CCNB3: variants seen among roughly 807,000 people sequenced by gnomAD.
CCNB3 encodes the protein cyclin B3, also known as G2/mitotic-specific cyclin-B3.
A neutral mutation model predicts 68.0 loss-of-function variants in CCNB3; 12 were observed. The observed-to-expected ratio is 0.18, with a 90% CI of 0.11 to 0.29. The LOEUF (loss-of-function observed/expected upper bound fraction) is 0.29, where lower values mean the gene tolerates loss of function less well. CCNB3 is among the 10% of genes least tolerant of loss of function. The pLI is 1.00. For missense variants in CCNB3, 904 were observed against 993.1 expected (o/e 0.91, Z 1.21); for synonymous variants, 354 against 388.9 (o/e 0.91, Z 1.06).
At position 50,216,015 on chromosome X, in the gene CCNB3, C is replaced by T. The variant is rs1462775389; in HGVS notation, c.-113+11065C>T. On this transcript the variant is annotated intron_variant, in intron 1 of 12. Coordinates refer to ENST00000376042, the MANE Select transcript of CCNB3 (RefSeq NM_033031.3). The stretch of plus-strand genomic sequence containing the variant: ...CCAGGCTGGAGTGCAATGGTGCGGT[C>T]TCGGCTCACTGCAACCTCCACCTCC... 3.2e-3 allele frequency among the ~76,000 whole-genome samples: 285 copies of T among 88,921 alleles called. 2 individuals are homozygous for T. The highest frequency in any genetic ancestry group is 0.013 in the African/African-American group (279 of 22,278). The allele number at this position is 88,921 out of a possible 115,157, so 77.2% of individuals were successfully genotyped here. A position where few individuals can be genotyped will look rare whatever the true frequency, so the allele number is the denominator to read the frequency against.
At chrX:50,290,146 C>T (rs1602203653) in intron 4 of CCNB3, among the ~76,000 whole-genome samples, 1 of 111,996 alleles carries the variant, frequency 8.9e-6, no homozygotes, top group Non-Finnish European at 1.9e-5. Context: ...CTTGCCTTGG[C>T]CCCTCCAAGT....
At chrX:50,319,187 C>T (rs1921889039) in intron 8 of CCNB3, among the ~76,000 whole-genome samples, 1 of 110,951 alleles carries the variant, frequency 9.0e-6, no homozygotes, top group Non-Finnish European at 1.9e-5. Flanking sequence ...AATCATTGTG[C>T]TTGAGGTGGT....
intron 5 of CCNB3, among the ~76,000 whole-genome samples, chrX:50,305,330 A>C (rs1457079189): frequency 1.1e-4 from 12 of 112,052 alleles, no homozygotes; most frequent in Non-Finnish European, 2.3e-4. Context: ...CAGCCATAAA[A>C]AATGATGAGT....
chrX:50,320,594 TATA>T (rs1921964146), intron 8 of CCNB3, among the ~76,000 whole-genome samples: 1 of 110,160 alleles, frequency 9.1e-6, no homozygotes. Context: ...CTCTAATTTT[TATA>T]ATTTTATAAT....
intron 5 of CCNB3, among the ~76,000 whole-genome samples, chrX:50,299,920 T>C (rs1936586015): frequency 9.0e-6 from 1 of 111,602 alleles, no homozygotes; most frequent in South Asian, 3.8e-4. Flanking sequence ...TCTTTGTTGG[T>C]TTAAAGTCTG....
At chrX:50,308,355 G>T (rs1921194401) in intron 5 of CCNB3, 150 bp from the exon 6 acceptor site, 1 of 444,776 alleles carries the variant, frequency 2.2e-6, no homozygotes, top group Non-Finnish European at 4.0e-6. Context: ...ATTGACCATG[G>T]TACCTACTGA....
intron 1 of CCNB3, among the ~76,000 whole-genome samples, chrX:50,227,882 GAGAA>G (rs1935932463): frequency 7.6e-5 from 6 of 78,709 alleles, no homozygotes; most frequent in African/African-American, 3.0e-4. Context: ...AATATATAGA[GAGAA>G]AATATATAAA....
intron 1 of CCNB3, among the ~76,000 whole-genome samples, chrX:50,208,292 A>G (rs74852392): frequency 1.8e-5 from 2 of 112,245 alleles, no homozygotes; most frequent in Non-Finnish European, 3.8e-5. Context: ...GTTTCCAGAT[A>G]CTAGCCAAGG....
intron 11 of CCNB3, 52 bp downstream of exon 11, chrX:50,347,827 G>A (rs1557220609): frequency 1.8e-6 from 2 of 1,130,517 alleles, no homozygotes; most frequent in Admixed American, 4.7e-5. Context: ...AAAGCAGAAG[G>A]TCAGCTCATG....
intron 1 of CCNB3, among the ~76,000 whole-genome samples, chrX:50,283,594 G>T (rs767869969): frequency 9.0e-6 from 1 of 111,248 alleles, no homozygotes. Flanking sequence ...AGACTTTTCT[G>T]TTTCCTTTTC....
At chrX:50,279,200 AATATAT>A (rs1936021317) in intron 1 of CCNB3, among the ~76,000 whole-genome samples, 1 of 2,796 alleles carries the variant, frequency 3.6e-4, no homozygotes, top group African/African-American at 5.2e-4. Flanking sequence ...TCTATATATA[AATATAT>A]AGAGTATATA....
rs782066987 is a variant in CCNB3, at chrX:50,309,894, A to G, written c.1725A>G (p.Thr575=). ...CAATGTCATTTAGGAAGAACCCTAC[A>G]ACTGAGGAGACAGTACTTACCAAGA... The part of the protein sequence containing the change: ...MEPMSFRKNP[T]TEETVLTKTS... The change falls in exon 6 of 13, where the codon ACA becomes ACG. Residue 575 remains threonine, a synonymous_variant. Transcript: ENST00000376042. 1.7e-6 allele frequency: 2 copies of G among 1,210,724 alleles called. No homozygotes were observed. Among genetic ancestry groups the G allele is most frequent in the Non-Finnish European group, 2.2e-6 (2 of 894,851 alleles).
intron 5 of CCNB3, among the ~76,000 whole-genome samples, chrX:50,302,714 G>T (rs886087691): frequency 1.5e-4 from 17 of 111,878 alleles, no homozygotes; most frequent in Middle Eastern, 4.6e-3. Flanking sequence ...ATTAGACAAT[G>T]TGTGGTCTTT....
intron 8 of CCNB3, among the ~76,000 whole-genome samples, chrX:50,318,351 A>C (rs1435142868): frequency 1.8e-5 from 2 of 110,473 alleles, no homozygotes; most frequent in Non-Finnish European, 3.8e-5. Context: ...CGTCTCTACT[A>C]AAAATACAAA....
intron 11 of CCNB3, among the ~76,000 whole-genome samples, chrX:50,348,382 G>A (rs782522775): frequency 2.7e-5 from 3 of 112,012 alleles, no homozygotes; most frequent in Non-Finnish European, 3.8e-5. Flanking sequence ...CTAATGATAT[G>A]TATAATATAT....
At chrX:50,340,628 A>G (rs782353610) in intron 8 of CCNB3, among the ~76,000 whole-genome samples, 44 of 112,210 alleles carry the variant, frequency 3.9e-4, no homozygotes, top group African/African-American at 1.4e-3. Flanking sequence ...GGCAGGAGTA[A>G]CCTTTGGCTA....
rs782818867 is a variant in CCNB3, at chrX:50,204,967, C to T, written c.-113+17C>T. ...TTGTTAAAGGTACAACATGTATTGTCAGTCGTGACGAGAGCTTTTTGCCTT... is the reference window on the plus strand; with the variant it reads ...TTGTTAAAGGTACAACATGTATTGTTAGTCGTGACGAGAGCTTTTTGCCTT... On this transcript the variant is annotated intron_variant, in intron 1 of 12. Transcript: ENST00000376042. 96 of 111,471 alleles carry T rather than the reference C, an allele frequency of 8.6e-4. No individual in the cohort carries two copies. Among genetic ancestry groups the T allele is most frequent in the African/African-American group, 3.0e-3 (93 of 30,698 alleles). The allele number at this position is 111,471 out of a possible 1,213,427, so 9.2% of individuals were successfully genotyped here.
At chrX:50,227,469 CTAAA>C (rs1437831852) in intron 1 of CCNB3, among the ~76,000 whole-genome samples, 2 of 66,378 alleles carry the variant, frequency 3.0e-5, no homozygotes, top group African/African-American at 5.8e-5. Flanking sequence ...GAATATATAT[CTAAA>C]TATATATAGA....
intron 8 of CCNB3, among the ~76,000 whole-genome samples, chrX:50,325,982 G>A (rs189301651): frequency 1.6e-3 from 181 of 110,849 alleles, no homozygotes; most frequent in Admixed American, 2.5e-3. Flanking sequence ...ATGGGTGTGG[G>A]TTATATGATA....
Sources: allele counts gnomAD v4.1 joint callset (sites outside exome capture counted in the v4.1 genomes callset), GRCh38; gene constraint gnomAD v4.1.1; transcripts MANE v1.5; gene names NCBI Gene and HGNC (gene_info 2026-07-23, HGNC 2026-07-21).